The following VPS37A variants were observed in gnomAD, a reference collection of about 807,000 sequenced individuals.
VPS37A encodes the protein vacuolar protein sorting-associated protein 37A.
A neutral mutation model predicts 49.8 loss-of-function variants in VPS37A; 30 were observed. That is an observed-to-expected ratio of 0.60 (90% confidence interval 0.45 to 0.82). The LOEUF is 0.82. Ranked by LOEUF, VPS37A falls within the 40% of genes least tolerant of loss-of-function variation. The pLI is 0.00. For missense variants in VPS37A, 593 were observed against 464.4 expected (o/e 1.28, Z -2.55); for synonymous variants, 195 against 160.6 (o/e 1.21, Z -1.62).
intron 11 of VPS37A, among the ~76,000 whole-genome samples, chr8:17,292,862 A>G (rs894613533): frequency 1.3e-5 from 2 of 152,194 alleles, no homozygotes; most frequent in African/African-American, 2.4e-5. Flanking sequence ...GGGTAACCCA[A>G]CCTTTTTCTC....
intron 9 of VPS37A, among the ~76,000 whole-genome samples, chr8:17,282,164 A>C (rs980390220): frequency 6.6e-6 from 1 of 152,126 alleles, no homozygotes; most frequent in Non-Finnish European, 1.5e-5. Context: ...TCATTATTTA[A>C]AACAGTATAG....
At position 17,255,495 on chromosome 8, in the gene VPS37A, T is replaced by TGTGC. The variant is rs547782990; in HGVS notation, c.125+8129_125+8130insCGTG. Among the ~76,000 whole-genome samples the TGTGC allele has an allele frequency of 1.7e-3, 257 of 151,344 alleles. 1 individual carries two copies. Among genetic ancestry groups the TGTGC allele is most frequent in the African/African-American group, 5.6e-3 (233 of 41,252 alleles). The stretch of plus-strand genomic sequence containing the variant: ...AGACTTCGTCTTAAATATATATATG[T>TGTGC]GTGTGTGTGTGTGTATGTGTATATA... On this transcript the variant is annotated intron_variant, in intron 1 of 11. Coordinates refer to ENST00000324849, the MANE Select transcript of VPS37A (RefSeq NM_152415.3).
At chr8:17,259,434 C>G (rs944089164) in intron 1 of VPS37A, among the ~76,000 whole-genome samples, 35 of 152,080 alleles carry the variant, frequency 2.3e-4, no homozygotes, top group Admixed American at 4.6e-4. Context: ...GGTCAGAAAA[C>G]ATACTTGATG....
chr8:17,274,208 T>A (rs1324373961), intron 4 of VPS37A, among the ~76,000 whole-genome samples: 1 of 152,262 alleles, frequency 6.6e-6, no homozygotes, highest in Non-Finnish European at 1.5e-5. Flanking sequence ...TATACATGCG[T>A]GTTTATATAT....
chr8:17,317,593 T>C, the VPS37A span, among the ~76,000 whole-genome samples: 1 of 152,106 alleles, frequency 6.6e-6, no homozygotes, highest in African/African-American at 2.4e-5. Context: ...ATCACCATCT[T>C]CTCTTGTGGA....
intron 11 of VPS37A, among the ~76,000 whole-genome samples, chr8:17,293,150 T>C (rs1327912141): frequency 6.6e-6 from 1 of 152,034 alleles, no homozygotes. Flanking sequence ...TGTTTGTTCC[T>C]TTTTATTCTT....
At position 17,286,093 on chromosome 8, in the gene VPS37A, G is replaced by C. The variant is rs182304799; in HGVS notation, c.1114-254G>C. Among the ~76,000 whole-genome samples, 44 of 152,232 alleles carry C rather than the reference G, an allele frequency of 2.9e-4. No individual in the cohort carries two copies. In the East Asian group the frequency reaches 7.7e-3, roughly 27 times the overall value. ...GAGAGGTTCCCTAAAACAGGGACTG[G>C]GGTGCAGGAAAGAAGATGACAGGCA... On this transcript the variant is annotated intron_variant, in intron 10 of 11. Coordinates refer to ENST00000324849, the MANE Select transcript of VPS37A (RefSeq NM_152415.3).
intron 6 of VPS37A, chr8:17,279,748 C>A (rs1181185958): frequency 2.0e-6 from 1 of 489,714 alleles, no homozygotes; most frequent in Non-Finnish European, 4.0e-6. Context: ...GAACACTTCC[C>A]CACGGTTGTG....
At chr8:17,266,225 T>A (rs1015553066) in intron 2 of VPS37A, among the ~76,000 whole-genome samples, 1 of 152,192 alleles carries the variant, frequency 6.6e-6, no homozygotes, top group Non-Finnish European at 1.5e-5. Flanking sequence ...GTACTGTAAT[T>A]GTTTTTATTG....
rs80058555 is a variant in VPS37A, at chr8:17,282,331, A to G, written c.969+1888A>G. Among the ~76,000 whole-genome samples the G allele has an allele frequency of 5.4e-3, 818 of 152,252 alleles. 15 individuals carry two copies. Among genetic ancestry groups the G allele is most frequent in the African/African-American group, 0.019 (770 of 41,564 alleles). On this transcript the variant is annotated intron_variant, in intron 9 of 11. Transcript: ENST00000324849. ...ATTTAGAAAAAGGTTAGATCATTGT[A>G]TCATACAATACACAGAAAGTTTATT...
chr8:17,252,891 T>TA (rs1266324884), intron 1 of VPS37A, among the ~76,000 whole-genome samples: 1 of 152,232 alleles, frequency 6.6e-6, no homozygotes, highest in Non-Finnish European at 1.5e-5. Flanking sequence ...TTTGACTGTG[T>TA]AAATGCACTT....
At chr8:17,314,954 A>C in the VPS37A span, among the ~76,000 whole-genome samples, 1 of 152,176 alleles carries the variant, frequency 6.6e-6, no homozygotes, top group African/African-American at 2.4e-5. Context: ...AGAACGGTAA[A>C]TGAGAGGGTG....
At chr8:17,330,680 A>T in the VPS37A span, among the ~76,000 whole-genome samples, 1 of 152,168 alleles carries the variant, frequency 6.6e-6, no homozygotes, top group Admixed American at 6.5e-5. Context: ...GCGGGAGGTT[A>T]CATGCATGTG....
intron 11 of VPS37A, among the ~76,000 whole-genome samples, chr8:17,290,037 G>C (rs1462285570): frequency 6.6e-6 from 1 of 152,304 alleles, no homozygotes; most frequent in Admixed American, 6.5e-5. Flanking sequence ...TGTGATTTTT[G>C]CACATTGATT....
intron 4 of VPS37A, among the ~76,000 whole-genome samples, chr8:17,271,589 G>A (rs1370680607): frequency 4.0e-5 from 6 of 151,884 alleles, no homozygotes; most frequent in South Asian, 2.1e-4. Flanking sequence ...CTGGGTGACA[G>A]AGCAAGACTC....
At chr8:17,306,218 GAC>G (rs968058348), downstream of VPS37A, among the ~76,000 whole-genome samples, 1 of 152,044 alleles carries the variant, frequency 6.6e-6, no homozygotes, top group Non-Finnish European at 1.5e-5. Flanking sequence ...AAAATTCAAA[GAC>G]ACTTTCCACA....
In VPS37A at chr8:17,265,670, C is replaced by T; in HGVS notation, c.126-237C>T. On this transcript the variant is annotated intron_variant, in intron 1 of 11. Transcript: ENST00000324849. ...GCATTAATGAAGAGTTTTTTCTTGCCTCTTTACATCATCATCCCCCTTCCC... is the reference window on the plus strand; with the variant it reads ...GCATTAATGAAGAGTTTTTTCTTGCTTCTTTACATCATCATCCCCCTTCCC... 10 of 1,092,544 alleles carry T rather than the reference C, an allele frequency of 9.2e-6. No homozygotes were observed. The Admixed American group carries it at 9.3e-5, about 10-fold the overall frequency. 67.7% of individuals were successfully genotyped at this position (1,092,544 alleles called of 1,614,324 possible).
chr8:17,328,445 C>A, the VPS37A span, among the ~76,000 whole-genome samples: 1 of 152,246 alleles, frequency 6.6e-6, no homozygotes, highest in Non-Finnish European at 1.5e-5. Flanking sequence ...AAGCCATTAT[C>A]CTCAGTAAAC....
chr8:17,322,708 C>T, the VPS37A span, among the ~76,000 whole-genome samples: 1 of 151,960 alleles, frequency 6.6e-6, no homozygotes, highest in African/African-American at 2.4e-5. Flanking sequence ...GCCTGTAGTC[C>T]CAGATACTCA....
Sources: gnomAD v4.1 joint callset for allele counts (sites outside exome capture counted in the v4.1 genomes callset) on GRCh38, gnomAD v4.1.1 for gene constraint, MANE v1.5 for transcripts, NCBI Gene and HGNC (gene_info 2026-07-23, HGNC 2026-07-21) for gene names.